ASB5: variants seen among roughly 807,000 people sequenced by gnomAD.
ASB5 encodes the protein ankyrin repeat and SOCS box containing 5, also known as ankyrin repeat and SOCS box protein 5.
Under a neutral mutation model 42.1 loss-of-function variants are expected in ASB5, and 45 were observed. The ratio of observed to expected loss-of-function variants is 1.07; its 90% confidence interval spans 0.84 to 1.37. The LOEUF (loss-of-function observed/expected upper bound fraction) is 1.37, where lower values mean the gene tolerates loss of function less well. ASB5 is among the 40% of genes most tolerant of loss of function. The pLI, the probability that ASB5 is intolerant of heterozygous loss-of-function variation, is 0.00. For missense variants in ASB5, 402 were observed against 399.8 expected (o/e 1.01, Z -0.05); for synonymous variants, 147 against 150.6 (o/e 0.98, Z 0.18).
chr4:176,220,945 C>G (rs2126943875), intron 5 of ASB5, among the ~76,000 whole-genome samples: 1 of 152,244 alleles, frequency 6.6e-6, no homozygotes, highest in Middle Eastern at 3.4e-3. Context: ...TATCTGTGAG[C>G]TAGGAAGCCG....
chr4:176,221,587 G>A lies in ASB5; in HGVS notation c.398C>T (p.Thr133Met), dbSNP rs771131643. 22 of 1,611,898 alleles carry A rather than the reference G, an allele frequency of 1.4e-5. No homozygotes were observed. In the Admixed American group the frequency reaches 1.5e-4, roughly 11 times the overall value. The change falls in exon 4 of 7, where the codon ACG (threonine) becomes ATG (methionine). Residue 133 changes from threonine to methionine, a missense_variant. By Grantham distance (81) the Thr-to-Met change is moderately conservative (BLOSUM62 -1). Coordinates refer to ENST00000296525, the MANE Select transcript of ASB5 (RefSeq NM_080874.4). ...LEAGANVNAITIDGVTPLFNA... is the reference protein window; with the variant it reads ...LEAGANVNAIMIDGVTPLFNA... ...GAATAACGGAGTCACGCCATCTATC[G>A]TGATTGCATTTACCTAAACCAAACC...
chr4:176,230,459 T>C (rs902480505), intron 1 of ASB5, among the ~76,000 whole-genome samples: 2 of 152,338 alleles, frequency 1.3e-5, no homozygotes, highest in South Asian at 4.1e-4. Flanking sequence ...AAGTAATTTC[T>C]AGAACATGTA....
upstream of ASB5, among the ~76,000 whole-genome samples, chr4:176,273,253 C>A (rs796152950): frequency 5.3e-5 from 8 of 152,222 alleles, no homozygotes; most frequent in African/African-American, 1.9e-4. Context: ...ATGTTCCTAG[C>A]CCTAGAACAG....
chr4:176,261,299 C>A (rs1754264058), intron 1 of ASB5, among the ~76,000 whole-genome samples: 1 of 152,190 alleles, frequency 6.6e-6, no homozygotes, highest in Non-Finnish European at 1.5e-5. Context: ...CATATTAAAT[C>A]ATTATACCAA....
chr4:176,221,356 C>G (rs1226996118), intron 4 of ASB5, 67 bp from the exon 5 acceptor site: 6 of 1,599,164 alleles, frequency 3.8e-6, no homozygotes, highest in Non-Finnish European at 5.1e-6. Context: ...CCCCAGGCTT[C>G]CCTTGTGGTG....
At chr4:176,226,270 C>T (rs914315245) in intron 1 of ASB5, among the ~76,000 whole-genome samples, 1 of 152,072 alleles carries the variant, frequency 6.6e-6, no homozygotes, top group Non-Finnish European at 1.5e-5. Flanking sequence ...ACACTCTCCT[C>T]GAGTTGGGAC....
At chr4:176,264,251 A>G (rs1033863298) in intron 1 of ASB5, among the ~76,000 whole-genome samples, 6 of 152,202 alleles carry the variant, frequency 3.9e-5, no homozygotes, top group Admixed American at 2.0e-4. Context: ...ATTTTCCACA[A>G]TCCAAAATTT....
intron 3 of ASB5, 42 bp downstream of exon 3, chr4:176,222,271 G>C (rs373122530): frequency 5.3e-6 from 8 of 1,512,914 alleles, no homozygotes; most frequent in African/African-American, 1.4e-5. Flanking sequence ...GATTCCCTCC[G>C]TCAGTAGATG....
rs144451873 is a variant in ASB5, at chr4:176,216,913, C to G, written c.767G>C (p.Gly256Ala). 6 of 1,613,900 alleles carry G rather than the reference C, an allele frequency of 3.7e-6. No individual in the cohort carries two copies. In the African/African-American group the frequency reaches 6.7e-5, roughly 18 times the overall value. ...TEIVNLLLEF[G>A]ADINAKNTEL... is the part of the protein sequence containing the mutation. ...TGTATTTTTGGCATTGATATCTGCT[C>G]CAAATTCTAGCAGTAAGTTTACAAT... Residue 256 changes from glycine (G) to alanine (A), a missense_variant, in exon 6 of 7, where the codon GGA becomes GCA. By Grantham distance (60) the Gly-to-Ala change is moderately conservative. Transcript: ENST00000296525.
intron 1 of ASB5, among the ~76,000 whole-genome samples, chr4:176,260,127 T>G (rs1053619799): frequency 6.6e-6 from 1 of 152,230 alleles, no homozygotes; most frequent in African/African-American, 2.4e-5. Context: ...TATTATTTTA[T>G]CCCTTTCTTT....
chr4:176,219,248 ATGTATGATATATAAATATATATT>A (rs1561250831), intron 5 of ASB5, among the ~76,000 whole-genome samples: 2 of 109,246 alleles, frequency 1.8e-5, no homozygotes, highest in South Asian at 2.6e-4. Context: ...ATAAATATAT[ATGTATGATATATAAATATATATT>A]TGTATGATAT....
At chr4:176,269,769 G>C (rs1259040754), upstream of ASB5, among the ~76,000 whole-genome samples, 1 of 152,152 alleles carries the variant, frequency 6.6e-6, no homozygotes, top group African/African-American at 2.4e-5. Context: ...GCTAGATTTT[G>C]AAGTGACAAA....
intron 1 of ASB5, among the ~76,000 whole-genome samples, chr4:176,229,757 A>C (rs986639154): frequency 6.6e-6 from 1 of 152,118 alleles, no homozygotes; most frequent in Non-Finnish European, 1.5e-5. Flanking sequence ...GGCATGAAAA[A>C]GTTTAATGTC....
intron 1 of ASB5, among the ~76,000 whole-genome samples, chr4:176,244,345 T>G (rs1753869348): frequency 6.6e-6 from 1 of 152,190 alleles, no homozygotes; most frequent in Admixed American, 6.5e-5. Context: ...AATTCATTGA[T>G]GTACAGGGCA....
chr4:176,233,865 G>C (rs778320944), intron 1 of ASB5, among the ~76,000 whole-genome samples: 4 of 152,024 alleles, frequency 2.6e-5, no homozygotes, highest in South Asian at 4.2e-4. Flanking sequence ...GTCCCAAACC[G>C]AACCCTTGAT....
At chr4:176,220,251 A>C (rs747468647) in intron 5 of ASB5, among the ~76,000 whole-genome samples, 10 of 152,184 alleles carry the variant, frequency 6.6e-5, no homozygotes, top group Non-Finnish European at 7.3e-5. Context: ...CTCATGTCTA[A>C]GACTGAGTAG....
At chr4:176,255,752 T>A (rs1754142822) in intron 1 of ASB5, among the ~76,000 whole-genome samples, 1 of 152,190 alleles carries the variant, frequency 6.6e-6, no homozygotes, top group Non-Finnish European at 1.5e-5. Flanking sequence ...AACTAACTAC[T>A]GGGTATTATG....
At chr4:176,241,349 C>T in intron 1 of ASB5, 3 of 831,418 alleles carry the variant, frequency 3.6e-6, no homozygotes, top group Admixed American at 3.3e-5. Flanking sequence ...GTAAGTTTCC[C>T]ATCCTTAGAA....
chr4:176,219,127 AT>A (rs1753089858), intron 5 of ASB5, among the ~76,000 whole-genome samples: 1 of 116,778 alleles, frequency 8.6e-6, no homozygotes, highest in Non-Finnish European at 1.6e-5. Flanking sequence ...TATGATATAT[AT>A]ATTTGTATGA....
Sources: gnomAD v4.1 joint callset for allele counts (sites outside exome capture counted in the v4.1 genomes callset) on GRCh38, gnomAD v4.1.1 for gene constraint, MANE v1.5 for transcripts, NCBI Gene and HGNC (gene_info 2026-07-23, HGNC 2026-07-21) for gene names.